Variants in STXBP4 observed in about 807,000 individuals in gnomAD.
STXBP4 encodes syntaxin-binding protein 4.
Under a neutral mutation model 76.1 loss-of-function variants are expected in STXBP4, and 55 were observed. That is an observed-to-expected ratio of 0.72 (90% CI 0.58 to 0.91). STXBP4 has a LOEUF of 0.91. Among genes scored for constraint, STXBP4 ranks in the 40% least tolerant of loss-of-function variants. The probability of loss-of-function intolerance (pLI) is 0.00; values close to 1 mark genes in which losing one functional copy is unlikely to be tolerated. For missense variants in STXBP4, 618 were observed against 636.9 expected (o/e 0.97, Z 0.32); for synonymous variants, 201 against 220.2 (o/e 0.91, Z 0.77).
chr17:55,035,131 T>C (rs1025188215), intron 10 of STXBP4, among the ~76,000 whole-genome samples: 1 of 152,044 alleles, frequency 6.6e-6, no homozygotes, highest in Non-Finnish European at 1.5e-5. Context: ...AATTTCTATC[T>C]AGATACACAG....
chr17:55,186,201 G>A, the STXBP4 span, among the ~76,000 whole-genome samples: 5 of 152,114 alleles, frequency 3.3e-5, no homozygotes, highest in Non-Finnish European at 7.3e-5. Context: ...AAATTAGCTT[G>A]GGATAAATGC....
chr17:55,028,898 A>G (rs2078459322), intron 8 of STXBP4, among the ~76,000 whole-genome samples: 1 of 152,210 alleles, frequency 6.6e-6, no homozygotes. Context: ...TGGTGTGCAT[A>G]AATTAATGAA....
At chr17:55,012,237 C>T (rs1323227234) in intron 8 of STXBP4, among the ~76,000 whole-genome samples, 1 of 152,096 alleles carries the variant, frequency 6.6e-6, no homozygotes, top group East Asian at 1.9e-4. Flanking sequence ...AAGTATTTTT[C>T]CTTCTTCGGT....
chr17:55,125,819 A>G (rs551369266), intron 16 of STXBP4, among the ~76,000 whole-genome samples: 23 of 152,262 alleles, frequency 1.5e-4, no homozygotes, highest in Middle Eastern at 3.4e-3. Context: ...AAAACTGATA[A>G]CTTGCAGTCT....
chr17:55,171,352 G>A lies in STXBP4; in HGVS notation c.*11441G>A, dbSNP rs1163967003. 6.6e-6 allele frequency: 1 copy of A among 152,144 alleles called. No homozygotes were observed. The highest frequency in any genetic ancestry group is 1.5e-5 in the Non-Finnish European group (1 of 68,030). 9.4% of individuals were successfully genotyped at this position (152,144 alleles called of 1,614,324 possible). The stretch of plus-strand genomic sequence containing the variant: ...CCTTCCAAAGCACCCCTGGCCAATA[G>A]CTCATCAAGATTTTGCTTAGATATT... On this transcript the variant is annotated 3_prime_UTR_variant, in exon 18 of 18. Transcript: ENST00000376352.
At chr17:55,136,012 A>G (rs564624981) in intron 16 of STXBP4, among the ~76,000 whole-genome samples, 1 of 152,296 alleles carries the variant, frequency 6.6e-6, no homozygotes, top group African/African-American at 2.4e-5. Context: ...GCAGTGTGAC[A>G]ATGGACAAGT....
chr17:54,999,268 C>T (rs1479877169), intron 4 of STXBP4, 77 bp from the exon 5 acceptor site: 1 of 1,235,958 alleles, frequency 8.1e-7, no homozygotes, highest in East Asian at 2.4e-5. Context: ...GAAAACTTTT[C>T]ATTGCTTTAA....
chr17:55,002,863 A>G (rs1236376559), intron 7 of STXBP4, among the ~76,000 whole-genome samples: 1 of 152,224 alleles, frequency 6.6e-6, no homozygotes, highest in Non-Finnish European at 1.5e-5. Flanking sequence ...AGTGCATAGT[A>G]TATGCTTACT....
the STXBP4 span, among the ~76,000 whole-genome samples, chr17:55,182,839 A>G: frequency 6.6e-6 from 1 of 152,204 alleles, no homozygotes; most frequent in Non-Finnish European, 1.5e-5. Flanking sequence ...TTAGAATTCT[A>G]TGTCTGGCAA....
intron 12 of STXBP4, among the ~76,000 whole-genome samples, chr17:55,054,583 C>T (rs2078902058): frequency 6.6e-6 from 1 of 152,180 alleles, no homozygotes; most frequent in African/African-American, 2.4e-5. Context: ...TACCCTGACC[C>T]TGCTCCTTGC....
intron 11 of STXBP4, 24 bp downstream of exon 11, chr17:55,043,349 A>G: frequency 1.5e-6 from 2 of 1,332,078 alleles, no homozygotes; most frequent in Non-Finnish European, 2.0e-6. Flanking sequence ...TAGTTTCCTT[A>G]TGTTTTCTTC....
intron 4 of STXBP4, among the ~76,000 whole-genome samples, chr17:54,992,871 C>G: frequency 6.6e-6 from 1 of 152,036 alleles, no homozygotes; most frequent in South Asian, 2.1e-4. Context: ...TGCCAACACA[C>G]CTAACTAATT....
At chr17:54,997,960 A>G (rs1013504794) in intron 4 of STXBP4, among the ~76,000 whole-genome samples, 1 of 151,990 alleles carries the variant, frequency 6.6e-6, no homozygotes, top group Non-Finnish European at 1.5e-5. Flanking sequence ...TCAGTAGGAT[A>G]GGGTCATTAT....
chr17:54,997,802 G>T, intron 4 of STXBP4, among the ~76,000 whole-genome samples: 1 of 147,064 alleles, frequency 6.8e-6, no homozygotes, highest in African/African-American at 2.5e-5. Context: ...TGCCCAGGCT[G>T]GTCTTGAACT....
intron 12 of STXBP4, among the ~76,000 whole-genome samples, chr17:55,067,937 T>C (rs982620861): frequency 6.6e-6 from 1 of 152,046 alleles, no homozygotes; most frequent in Admixed American, 6.6e-5. Context: ...AAAGAAAGCA[T>C]ATGTCAGAGG....
At chr17:55,023,701 A>T (rs1457977015) in intron 8 of STXBP4, among the ~76,000 whole-genome samples, 2 of 152,118 alleles carry the variant, frequency 1.3e-5, no homozygotes, top group African/African-American at 4.8e-5. Context: ...AAAAAAAAGA[A>T]GAATGGGTGA....
intron 10 of STXBP4, among the ~76,000 whole-genome samples, chr17:55,042,070 G>T (rs949240568): frequency 3.3e-5 from 5 of 152,134 alleles, no homozygotes; most frequent in South Asian, 4.1e-4. Flanking sequence ...TAATGTGACA[G>T]ACCAAAAAGA....
chr17:55,036,248 T>G (rs1458886522), intron 10 of STXBP4, among the ~76,000 whole-genome samples: 1 of 152,024 alleles, frequency 6.6e-6, no homozygotes, highest in Non-Finnish European at 1.5e-5. Flanking sequence ...TGAAAAATTT[T>G]GCTCTGTTGA....
chr17:55,047,293 C>T, intron 12 of STXBP4, 139 bp downstream of exon 12: 1 of 471,042 alleles, frequency 2.1e-6, no homozygotes, highest in South Asian at 5.3e-5. Context: ...TTACATAATA[C>T]AAAATAGCAC....
Sources: gnomAD v4.1 joint callset for allele counts (sites outside exome capture counted in the v4.1 genomes callset) on GRCh38, gnomAD v4.1.1 for gene constraint, MANE v1.5 for transcripts, NCBI Gene and HGNC (gene_info 2026-07-23, HGNC 2026-07-21) for gene names.